The following LRPPRC variants were observed in gnomAD, a reference collection of about 807,000 sequenced individuals.
LRPPRC encodes leucine rich pentatricopeptide repeat containing, also known as leucine-rich PPR motif-containing protein, mitochondrial.
In LRPPRC, 120 loss-of-function variants were observed where a neutral mutation model predicts 180.3. The ratio of observed to expected loss-of-function variants is 0.67; its 90% CI spans 0.57 to 0.77. The LOEUF is 0.77. LRPPRC is among the 30% of genes least tolerant of loss of function. The pLI is 0.00. For missense variants in LRPPRC, 2,012 were observed against 1,657.2 expected (o/e 1.21, Z -3.72); for synonymous variants, 723 against 600.0 (o/e 1.21, Z -3.00).
intron 22 of LRPPRC, among the ~76,000 whole-genome samples, 164 bp downstream of exon 22, chr2:43,945,168 A>T (rs1206321751): frequency 6.6e-6 from 1 of 152,150 alleles, no homozygotes; most frequent in Non-Finnish European, 1.5e-5. Flanking sequence ...CATTAAAACT[A>T]ATGGCCTACA....
chr2:43,908,017 A>G (rs1380713301), intron 30 of LRPPRC, among the ~76,000 whole-genome samples: 1 of 152,224 alleles, frequency 6.6e-6, no homozygotes, highest in Non-Finnish European at 1.5e-5. Context: ...AATATGCAGA[A>G]AGGACATTAG....
chr2:43,976,415 G>A (rs561303858), intron 5 of LRPPRC, among the ~76,000 whole-genome samples, 186 bp from the exon 6 acceptor site: 1 of 151,912 alleles, frequency 6.6e-6, no homozygotes, highest in African/African-American at 2.4e-5. Context: ...ACTCTCTAAT[G>A]TATCAACAGT....
rs1309745023 is a variant in LRPPRC, at chr2:43,947,308, T to G, written c.2028A>C (p.Gln676His). 6.2e-7 allele frequency: 1 copy of G among 1,607,064 alleles called. No homozygotes were observed. Among genetic ancestry groups the G allele is most frequent in the South Asian group, 1.1e-5 (1 of 90,864 alleles). ...STLETLKAEN[Q>H]PIRDVLKQLI... ...GTTGCTTTAGGACATCTCTTATAGG[T>G]TGATTTTCAGCTTTTAGTGTTTCAA... The change falls in exon 20 of 38, where the codon CAA becomes CAC. Residue 676 changes from glutamine to histidine, a missense_variant. Coordinates refer to ENST00000260665, the MANE Select transcript of LRPPRC (RefSeq NM_133259.4).
intron 29 of LRPPRC, among the ~76,000 whole-genome samples, chr2:43,914,864 A>T (rs1295157556): frequency 6.6e-6 from 1 of 152,068 alleles, no homozygotes; most frequent in African/African-American, 2.4e-5. Flanking sequence ...GTTTTCACTT[A>T]AACTGTACAC....
At chr2:43,893,583 T>A (rs1191897893) in intron 36 of LRPPRC, among the ~76,000 whole-genome samples, 1 of 152,242 alleles carries the variant, frequency 6.6e-6, no homozygotes, top group Non-Finnish European at 1.5e-5. Context: ...TTTAAAAACA[T>A]AATGCTATTG....
intron 20 of LRPPRC, among the ~76,000 whole-genome samples, 153 bp downstream of exon 20, chr2:43,947,104 C>A (rs1174282287): frequency 6.6e-6 from 1 of 152,038 alleles, no homozygotes; most frequent in Non-Finnish European, 1.5e-5. Context: ...CAAGGTGTAG[C>A]TGAAATTAGT....
At chr2:43,925,335 T>C (rs1174025988) in intron 26 of LRPPRC, among the ~76,000 whole-genome samples, 178 bp from the exon 27 acceptor site, 8 of 152,244 alleles carry the variant, frequency 5.3e-5, no homozygotes, top group African/African-American at 1.9e-4. Context: ...CTGAACTGTA[T>C]ACTTATACAA....
At position 43,980,063 on chromosome 2, in the gene LRPPRC, G is replaced by C. The variant is rs1262184064; in HGVS notation, c.347-115C>G. 21 of 988,044 alleles carry C rather than the reference G, an allele frequency of 2.1e-5. 1 individual carries two copies. The highest frequency in any genetic ancestry group is 1.1e-4 in the South Asian group (8 of 71,386). The allele number at this position is 988,044 out of a possible 1,614,324, so 61.2% of individuals were successfully genotyped here. On this transcript the variant is annotated intron_variant, in intron 2 of 37. Transcript: ENST00000260665. ...TCAAAAATCTTCTGGCTCAAACTGAGAGTAACCATAAATTAGAAAAATCCT... is the reference window on the plus strand; with the variant it reads ...TCAAAAATCTTCTGGCTCAAACTGACAGTAACCATAAATTAGAAAAATCCT...
chr2:43,912,883 A>G (rs954144499), intron 29 of LRPPRC, among the ~76,000 whole-genome samples: 1 of 152,184 alleles, frequency 6.6e-6, no homozygotes, highest in African/African-American at 2.4e-5. Context: ...TGAATTTATG[A>G]AAAGACGATA....
rs147784823 is a variant in LRPPRC at position 43,905,746 on chromosome 2, C to T, written c.3310G>A (p.Asp1104Asn). 7.4e-6 allele frequency: 12 copies of T among 1,613,934 alleles called. No homozygotes were observed. The African/African-American group carries it at 1.1e-4, about 14-fold the overall frequency. ...ATGATGAGGCGGCTGTTGGCAGCATCGTTCAGTGTGAAGCCCTTGATGTGG... is the reference window on the plus strand; with the variant it reads ...ATGATGAGGCGGCTGTTGGCAGCATTGTTCAGTGTGAAGCCCTTGATGTGG... The part of the protein sequence containing the change: ...ETHIKGFTLN[D>N]AANSRLIITQ... The change falls in exon 31 of 38, where the codon GAT (aspartate) becomes AAT (asparagine). Residue 1104 changes from aspartate (D) to asparagine (N), a missense_variant. Asp to Asn is a conservative substitution (Grantham distance 23, BLOSUM62 1). Coordinates refer to ENST00000260665, the MANE Select transcript of LRPPRC (RefSeq NM_133259.4).
At chr2:43,994,041 T>A (rs919166409) in intron 1 of LRPPRC, among the ~76,000 whole-genome samples, 2 of 152,102 alleles carry the variant, frequency 1.3e-5, no homozygotes, top group African/African-American at 4.8e-5. Flanking sequence ...GTTCTCTCTT[T>A]ATTCAGTTCT....
At chr2:43,910,276 C>T (rs1671210509) in intron 30 of LRPPRC, among the ~76,000 whole-genome samples, 1 of 151,308 alleles carries the variant, frequency 6.6e-6, no homozygotes, top group Non-Finnish European at 1.5e-5. Context: ...CTCTGTCACA[C>T]AGGCTGGAAT....
intron 27 of LRPPRC, among the ~76,000 whole-genome samples, chr2:43,921,589 A>C (rs1487042419): frequency 6.6e-6 from 1 of 152,230 alleles, no homozygotes; most frequent in Admixed American, 6.5e-5. Context: ...ATAAAGGTAG[A>C]GAGAGGGCAA....
At chr2:43,951,021 G>C (rs557431444) in intron 14 of LRPPRC, among the ~76,000 whole-genome samples, 22 of 152,184 alleles carry the variant, frequency 1.4e-4, no homozygotes, top group African/African-American at 5.3e-4. Context: ...AGTGAGCCGA[G>C]ATCGTGCCAC....
chr2:43,952,385 G>A (rs1024857904), intron 14 of LRPPRC, among the ~76,000 whole-genome samples: 24 of 152,058 alleles, frequency 1.6e-4, no homozygotes, highest in African/African-American at 7.2e-5. Flanking sequence ...AAAAATAAAC[G>A]GTATCCTTCA....
intron 11 of LRPPRC, among the ~76,000 whole-genome samples, chr2:43,970,547 C>A (rs1213349127): frequency 6.6e-6 from 1 of 152,102 alleles, no homozygotes; most frequent in Non-Finnish European, 1.5e-5. Flanking sequence ...AGATTCCAAA[C>A]CTCTGTGAAC....
At chr2:43,934,958 T>A (rs1208804991) in intron 23 of LRPPRC, 80 bp from the exon 24 acceptor site, 3 of 1,149,000 alleles carry the variant, frequency 2.6e-6, no homozygotes, top group Non-Finnish European at 3.9e-6. Flanking sequence ...GAGAGATGTT[T>A]AATGACCAGT....
chr2:43,975,689 G>C (rs979629052), intron 6 of LRPPRC, among the ~76,000 whole-genome samples: 1 of 151,424 alleles, frequency 6.6e-6, no homozygotes. Context: ...TTCAAGCAAC[G>C]CTCCTGCCTC....
chr2:43,921,808 G>C (rs551400012), intron 27 of LRPPRC, among the ~76,000 whole-genome samples: 36 of 152,268 alleles, frequency 2.4e-4, no homozygotes, highest in Non-Finnish European at 2.6e-4. Flanking sequence ...AAATGTAAAT[G>C]GCTATACATA....
Sources: allele counts gnomAD v4.1 joint callset (sites outside exome capture counted in the v4.1 genomes callset), GRCh38; gene constraint gnomAD v4.1.1; transcripts MANE v1.5; gene names NCBI Gene and HGNC (gene_info 2026-07-23, HGNC 2026-07-21).